The following ROS1 variants were observed in gnomAD, a reference collection of about 807,000 sequenced individuals.
ROS1 encodes the protein ROS proto-oncogene 1, receptor tyrosine kinase, also known as proto-oncogene tyrosine-protein kinase ROS.
A neutral mutation model predicts 273.5 loss-of-function variants in ROS1; 263 were observed. That is an observed-to-expected ratio of 0.96 (90% confidence interval 0.87 to 1.06). ROS1 has a LOEUF of 1.06. Among genes scored for constraint, ROS1 ranks in the 50% least tolerant of loss-of-function variants. ROS1 has a pLI of 0.00. For missense variants in ROS1, 2,833 were observed against 2,751.1 expected, an observed-to-expected ratio of 1.03 and a Z score of -0.67; for synonymous variants, 1,008 against 954.1, an observed-to-expected ratio of 1.06 and a Z score of -1.04.
intron 33 of ROS1, 94 bp from the exon 34 acceptor site, chr6:117,326,508 G>T: frequency 1.4e-6 from 1 of 735,540 alleles, no homozygotes; most frequent in Non-Finnish European, 2.1e-6. Flanking sequence ...ACGCCAGAGA[G>T]TGTCCTTTGG....
At position 117,341,189 on chromosome 6, in the gene ROS1, A is replaced by G. The variant is rs757298192; in HGVS notation, c.5007T>C (p.Asn1669=). 1 of 1,613,500 alleles carries G rather than the reference A, an allele frequency of 6.2e-7. No homozygotes were observed. The highest frequency in any genetic ancestry group is 1.1e-5 in the South Asian group (1 of 91,040). The change falls in exon 31 of 44, where the codon AAT becomes AAC. Residue 1669 remains asparagine, a synonymous_variant. Coordinates refer to ENST00000368507, the MANE Select transcript of ROS1 (RefSeq NM_001378902.1). ...GGTTAACATTCAATGGAGCCTTCCA[A>G]TTAAATTGCAAACTAGTGTTCTCTG... ...LVPENTSLQF[N]WKAPLNVNLI...
intron 5 of ROS1, among the ~76,000 whole-genome samples, chr6:117,405,863 T>A (rs1405526655): frequency 2.6e-5 from 4 of 152,166 alleles, no homozygotes; most frequent in Non-Finnish European, 5.9e-5. Flanking sequence ...AGCAAGTATG[T>A]AAACTTTGTG....
In ROS1 at chr6:117,394,151, C is replaced by T. The variant is rs1415364189; in HGVS notation, c.1191+11G>A. On this transcript the variant is annotated intron_variant, in intron 11 of 43. Coordinates refer to ENST00000368507, the MANE Select transcript of ROS1 (RefSeq NM_001378902.1). ...GTCTATCACTATTCCTCTTTAACTT[C>T]TCGGACTAACCAGTTCATCCATGAT... The T allele has an allele frequency of 6.4e-7, 1 of 1,553,030 alleles. No homozygotes were observed. Among genetic ancestry groups the T allele is most frequent in the Non-Finnish European group, 8.7e-7 (1 of 1,146,692 alleles).
intron 33 of ROS1, among the ~76,000 whole-genome samples, chr6:117,327,733 T>A (rs143707277): frequency 6.6e-6 from 1 of 152,374 alleles, no homozygotes; most frequent in East Asian, 1.9e-4. Flanking sequence ...TATTTTAATG[T>A]GACCTTGTTT....
At chr6:117,351,478 A>G (rs1369352157) in intron 27 of ROS1, among the ~76,000 whole-genome samples, 1 of 152,152 alleles carries the variant, frequency 6.6e-6, no homozygotes, top group South Asian at 2.1e-4. Context: ...AAGCTCCTGG[A>G]GGTAAAACTT....
intron 32 of ROS1, among the ~76,000 whole-genome samples, chr6:117,332,419 A>G (rs1777146920): frequency 1.3e-5 from 2 of 152,234 alleles, no homozygotes; most frequent in Admixed American, 6.5e-5. Flanking sequence ...CCCCACTGCC[A>G]GTATTAGACA....
chr6:117,389,154 G>A (rs1562351268), intron 13 of ROS1, among the ~76,000 whole-genome samples, 196 bp downstream of exon 13: 2 of 152,206 alleles, frequency 1.3e-5, no homozygotes, highest in Non-Finnish European at 2.9e-5. Flanking sequence ...TACATGAGAA[G>A]TATAGAGATT....
chr6:117,385,597 TAAA>T, intron 16 of ROS1, 83 bp downstream of exon 16: 6 of 954,490 alleles, frequency 6.3e-6, no homozygotes, highest in Non-Finnish European at 9.1e-6. Flanking sequence ...CACAGGTATT[TAAA>T]AAAAAAAAAG....
intron 18 of ROS1, among the ~76,000 whole-genome samples, chr6:117,369,468 G>A (rs1424828210): frequency 6.6e-6 from 1 of 152,094 alleles, no homozygotes; most frequent in East Asian, 1.9e-4. Context: ...CAGCTACTCA[G>A]GAGGCTGAGG....
intron 3 of ROS1, 70 bp downstream of exon 3, chr6:117,416,188 G>A: frequency 1.1e-6 from 1 of 939,194 alleles, no homozygotes. Context: ...ATGCAAATGG[G>A]AATCCTCTTA....
At chr6:117,368,427 G>A (rs945506524) in intron 18 of ROS1, among the ~76,000 whole-genome samples, 6 of 152,232 alleles carry the variant, frequency 3.9e-5, no homozygotes, top group Admixed American at 3.9e-4. Context: ...GATGTACATA[G>A]GAGAGGGAAG....
intron 27 of ROS1, among the ~76,000 whole-genome samples, chr6:117,350,875 A>G (rs1208990510): frequency 1.3e-5 from 2 of 151,684 alleles, no homozygotes; most frequent in Non-Finnish European, 2.9e-5. Context: ...GCTCACATTG[A>G]CCATCTGTTC....
chr6:117,342,505 G>A lies in ROS1; in HGVS notation c.4546C>T (p.Pro1516Ser). The part of the protein sequence containing the change: ...DSIALIEDLQ[P>S]FSTYMIQIAV... ...ATCTGTATCATGTATGTTGAAAATG[G>A]TTGTAAATCTTCAATAAGAGCTATA... Residue 1516 changes from proline (P) to serine (S), a missense_variant, in exon 29 of 44, where the codon CCA becomes TCA. Coordinates refer to ENST00000368507, the MANE Select transcript of ROS1 (RefSeq NM_001378902.1). 1 of 1,599,538 alleles carries A rather than the reference G, an allele frequency of 6.3e-7. No homozygotes were observed. The highest frequency in any genetic ancestry group is 8.6e-7 in the Non-Finnish European group (1 of 1,168,912).
intron 7 of ROS1, among the ~76,000 whole-genome samples, chr6:117,402,291 G>A (rs1386601850): frequency 6.6e-6 from 1 of 152,122 alleles, no homozygotes; most frequent in South Asian, 2.1e-4. Context: ...CTTGCCTTAG[G>A]TCTTCCACAC....
intron 35 of ROS1, among the ~76,000 whole-genome samples, chr6:117,322,700 A>G (rs1459882083): frequency 6.6e-6 from 1 of 152,220 alleles, no homozygotes; most frequent in African/African-American, 2.4e-5. Context: ...AAATTTTAAA[A>G]TAATTGTGAC....
chr6:117,350,005 T>G (rs1039496778), intron 27 of ROS1, among the ~76,000 whole-genome samples: 3 of 152,064 alleles, frequency 2.0e-5, no homozygotes, highest in Non-Finnish European at 4.4e-5. Context: ...ATTACTATTT[T>G]GAACAAACTA....
intron 39 of ROS1, among the ~76,000 whole-genome samples, chr6:117,311,550 C>CACTT (rs1775550509): frequency 2.0e-5 from 3 of 152,094 alleles, no homozygotes. Context: ...CGATAACAGG[C>CACTT]ACTTAATAAA....
rs537047500 is a variant in ROS1 at position 117,371,765 on chromosome 6, G to A, written c.2583-5475C>T. On this transcript the variant is annotated intron_variant, in intron 18 of 43. Transcript: ENST00000368507. The stretch of plus-strand genomic sequence containing the variant: ...TGAGACTGGCCTTTCAGGCTGTGTG[G>A]GAGTTGGGCGAGGCCGGTCACTGCT... Among the ~76,000 whole-genome samples the A allele has an allele frequency of 5.5e-4, 83 of 152,266 alleles. No individual in the cohort carries two copies. In the South Asian group the frequency reaches 7.9e-3, roughly 14 times the overall value.
At chr6:117,290,001 T>C (rs1384359194) in intron 43 of ROS1, among the ~76,000 whole-genome samples, 1 of 152,138 alleles carries the variant, frequency 6.6e-6, no homozygotes, top group Non-Finnish European at 1.5e-5. Flanking sequence ...ATCCAATAAT[T>C]GGGGAAATTA....
Sources: allele counts gnomAD v4.1 joint callset (sites outside exome capture counted in the v4.1 genomes callset), GRCh38; gene constraint gnomAD v4.1.1; transcripts MANE v1.5; gene names NCBI Gene and HGNC (gene_info 2026-07-23, HGNC 2026-07-21).